USH2A: variants seen among roughly 807,000 people sequenced by gnomAD.
USH2A encodes usherin.
A neutral mutation model predicts 538.9 loss-of-function variants in USH2A; 443 were observed. That is an observed-to-expected ratio of 0.82 (90% CI 0.76 to 0.89). USH2A has a LOEUF of 0.89. Among genes scored for constraint, USH2A ranks in the 40% least tolerant of loss-of-function variants. The pLI is 0.00. For missense variants in USH2A, 6,633 were observed against 6,324.8 expected (o/e 1.05, Z -1.65); for synonymous variants, 2,413 against 2,273.5 (o/e 1.06, Z -1.75).
In USH2A at chr1:215,625,520, T is replaced by C. The variant is rs143943502; in HGVS notation, c.*261A>G. On this transcript the variant is annotated 3_prime_UTR_variant, in exon 72 of 72. Transcript: ENST00000307340. The stretch of plus-strand genomic sequence containing the variant: ...CTGCCAAACAGAACCAAGTGACAAT[T>C]ACATACTTCTTTGTCTTCTACAAAA... The C allele has an allele frequency of 4.9e-4, 246 of 505,838 alleles. 1 individual carries two copies. Among genetic ancestry groups the C allele is most frequent in the African/African-American group, 4.5e-3 (233 of 51,816 alleles). 31.3% of individuals were successfully genotyped at this position (505,838 alleles called of 1,614,324 possible).
intron 47 of USH2A, among the ~76,000 whole-genome samples, chr1:215,828,192 G>A (rs560696122): frequency 6.6e-6 from 1 of 152,262 alleles, no homozygotes; most frequent in Non-Finnish European, 1.5e-5. Context: ...GGTCACATCT[G>A]TAATACCAGC....
intron 67 of USH2A, among the ~76,000 whole-genome samples, chr1:215,646,847 T>A (rs999714597): frequency 1.3e-5 from 2 of 152,236 alleles, no homozygotes; most frequent in South Asian, 4.1e-4. Context: ...TTATATCAGA[T>A]TTTTTCTGTG....
chr1:215,888,622 G>A lies in USH2A; in HGVS notation c.8027C>T (p.Pro2676Leu), dbSNP rs754100765. 7 of 1,613,984 alleles carry A rather than the reference G, an allele frequency of 4.3e-6. No homozygotes were observed. Among genetic ancestry groups the A allele is most frequent in the Middle Eastern group, 1.6e-4 (1 of 6,084 alleles). Residue 2676 changes from proline to leucine, a missense_variant, in exon 41 of 72, where the codon CCG (proline) becomes CTG (leucine). Coordinates refer to ENST00000307340, the MANE Select transcript of USH2A (RefSeq NM_206933.4). ...KEEVTTLVTL[P>L]RSHSMRFIDK... ...AATAAACCTCATGGAATGACTCCTCGGGAGAGTCACCAGGGTAGTAACTTC... is the reference window on the plus strand; with the variant it reads ...AATAAACCTCATGGAATGACTCCTCAGGAGAGTCACCAGGGTAGTAACTTC...
rs2039614529 is a variant in USH2A, at chr1:216,418,552, T to TC, written c.612dup (p.Arg205GlufsTer11). On this transcript the variant is annotated frameshift_variant, in exon 3 of 72. Coordinates refer to ENST00000307340, the MANE Select transcript of USH2A (RefSeq NM_206933.4). LOFTEE classifies it high-confidence loss of function. ...TGAATCCATTTCTTCACAAGAATTC[T>TC]CCCCAGTGTCATTACTTTTATTGGA... is the stretch of plus-strand genomic sequence containing the variant. 6.2e-7 allele frequency: 1 copy of TC among 1,613,190 alleles called. No individual in the cohort carries two copies. The highest frequency in any genetic ancestry group is 8.5e-7 in the Non-Finnish European group (1 of 1,179,534).
intron 21 of USH2A, among the ~76,000 whole-genome samples, chr1:216,113,137 TAA>T (rs71159901): frequency 0.01 from 1,332 of 127,560 alleles, 8 homozygotes; most frequent in African/African-American, 0.027. Flanking sequence ...CTCCAAATGA[TAA>T]AAAAAAAAAA....
intron 11 of USH2A, among the ~76,000 whole-genome samples, chr1:216,280,195 C>A (rs1168514439): frequency 6.6e-6 from 1 of 151,468 alleles, no homozygotes; most frequent in African/African-American, 2.4e-5. Flanking sequence ...TCAAGTAATT[C>A]ATGCATTAAG....
chr1:216,305,393 A>G (rs1203520913), intron 9 of USH2A, among the ~76,000 whole-genome samples: 1 of 152,066 alleles, frequency 6.6e-6, no homozygotes, highest in East Asian at 1.9e-4. Context: ...CCTTAAGTTT[A>G]TGTGAGTCCT....
chr1:216,218,199 T>C (rs2035381345), intron 14 of USH2A, among the ~76,000 whole-genome samples: 1 of 152,144 alleles, frequency 6.6e-6, no homozygotes, highest in Non-Finnish European at 1.5e-5. Flanking sequence ...TATGAAAAGA[T>C]GCTAATGACA....
chr1:215,628,745 C>G (rs959712076), intron 71 of USH2A, 69 bp downstream of exon 71: 28 of 1,543,244 alleles, frequency 1.8e-5, no homozygotes, highest in African/African-American at 6.8e-5. Flanking sequence ...CGGTGAAGTA[C>G]AGGCAGCTCT....
At chr1:216,038,324 G>T (rs2030091556) in intron 32 of USH2A, among the ~76,000 whole-genome samples, 1 of 151,964 alleles carries the variant, frequency 6.6e-6, no homozygotes, top group African/African-American at 2.4e-5. Context: ...AATTCATGTT[G>T]CCCTGGTAGG....
intron 37 of USH2A, among the ~76,000 whole-genome samples, chr1:215,937,205 T>C (rs1312440809): frequency 1.3e-5 from 2 of 152,116 alleles, no homozygotes; most frequent in African/African-American, 4.8e-5. Context: ...TAAAGGCAGA[T>C]AAAGACATAT....
chr1:215,877,243 T>C (rs1238787417), intron 43 of USH2A, among the ~76,000 whole-genome samples: 2 of 152,194 alleles, frequency 1.3e-5, no homozygotes, highest in African/African-American at 4.8e-5. Context: ...CACCCTTTTC[T>C]ACTGTCACCT....
intron 4 of USH2A, among the ~76,000 whole-genome samples, chr1:216,337,935 A>T (rs2038004213): frequency 6.6e-6 from 1 of 151,322 alleles, no homozygotes; most frequent in South Asian, 2.1e-4. Context: ...TGAGATACCT[A>T]GGAATAAATT....
chr1:215,755,908 A>G (rs939849359), intron 58 of USH2A, among the ~76,000 whole-genome samples: 1 of 152,218 alleles, frequency 6.6e-6, no homozygotes, highest in Non-Finnish European at 1.5e-5. Context: ...AAAGAAAAAA[A>G]TGACACGCTG....
chr1:215,867,742 G>A (rs1664515274), intron 43 of USH2A, among the ~76,000 whole-genome samples: 1 of 152,214 alleles, frequency 6.6e-6, no homozygotes, highest in South Asian at 2.1e-4. Context: ...GCTACAGTGA[G>A]CTGTATTTTG....
Position 216,396,465 on chromosome 1 carries a change from C to T in USH2A, c.651+22049G>A, listed in dbSNP as rs182099878. Reference sequence around the variant, plus strand: ...TTAGGACAGTATATCTAATAGGTTGCGACAAAAATTAACAACAGCCCATAA... The same window carrying T: ...TTAGGACAGTATATCTAATAGGTTGTGACAAAAATTAACAACAGCCCATAA... On this transcript the variant is annotated intron_variant, in intron 3 of 71. Transcript: ENST00000307340. 3.2e-4 allele frequency among the ~76,000 whole-genome samples: 48 copies of T among 152,054 alleles called. No individual in the cohort carries two copies. The Middle Eastern group carries it at 0.017, about 54-fold the overall frequency.
intron 61 of USH2A, among the ~76,000 whole-genome samples, chr1:215,680,928 C>A (rs1658207489): frequency 6.6e-6 from 1 of 152,012 alleles, no homozygotes; most frequent in Non-Finnish European, 1.5e-5. Flanking sequence ...CACAAGAAAA[C>A]AGTAACAAGC....
chr1:216,098,129 C>T (rs535151492), intron 21 of USH2A, among the ~76,000 whole-genome samples: 1 of 152,052 alleles, frequency 6.6e-6, no homozygotes, highest in Non-Finnish European at 1.5e-5. Flanking sequence ...ATGGCCCCAT[C>T]TCCAGTCCTA....
At chr1:216,396,845 G>A (rs529213701) in intron 3 of USH2A, among the ~76,000 whole-genome samples, 1 of 152,210 alleles carries the variant, frequency 6.6e-6, no homozygotes, top group South Asian at 2.1e-4. Context: ...GCCAAAATTC[G>A]TTGAAACTAT....
Sources: gnomAD v4.1 joint callset for allele counts (sites outside exome capture counted in the v4.1 genomes callset) on GRCh38, gnomAD v4.1.1 for gene constraint, MANE v1.5 for transcripts, NCBI Gene and HGNC (gene_info 2026-07-23, HGNC 2026-07-21) for gene names.